Variants in IKZF2 observed in about 807,000 individuals in gnomAD.
IKZF2 encodes IKAROS family zinc finger 2, also known as zinc finger protein Helios.
In IKZF2, 15 loss-of-function variants were observed where a neutral mutation model predicts 49.2. The observed-to-expected ratio is 0.30, with a 90% confidence interval of 0.20 to 0.47. IKZF2 has a LOEUF of 0.47. IKZF2 is among the 20% of genes least tolerant of loss of function. IKZF2 has a pLI of 1.00. For synonymous variants in IKZF2, 227 were observed against 221.4 expected, an observed-to-expected ratio of 1.03 and a Z score of -0.23; for missense variants, 567 against 664.6, an observed-to-expected ratio of 0.85 and a Z score of 1.61.
In IKZF2 at chr2:213,003,172, C is replaced by A. The variant is rs978437942; in HGVS notation, c.*4188G>T. ...AGTGTTGTACAGCTGCAACAGCTAA[C>A]CAACACTCTCAATGCATTTTAAAAA... On this transcript the variant is annotated 3_prime_UTR_variant, in exon 9 of 9. Transcript: ENST00000434687. 2.0e-5 allele frequency: 3 copies of A among 151,906 alleles called. No homozygotes were observed. Among genetic ancestry groups the A allele is most frequent in the Non-Finnish European group, 4.4e-5 (3 of 67,624 alleles). 9.4% of individuals were successfully genotyped at this position (151,906 alleles called of 1,614,324 possible). A position where few individuals can be genotyped will look rare whatever the true frequency, so the allele number is the denominator to read the frequency against.
At chr2:213,075,538 T>G (rs1703159881) in intron 4 of IKZF2, among the ~76,000 whole-genome samples, 1 of 152,154 alleles carries the variant, frequency 6.6e-6, no homozygotes, top group South Asian at 2.1e-4. Flanking sequence ...AGTGACAGTT[T>G]GCTCCAAATG....
At chr2:213,045,233 T>C (rs1700041735) in intron 6 of IKZF2, among the ~76,000 whole-genome samples, 2 of 152,204 alleles carry the variant, frequency 1.3e-5, no homozygotes, top group Admixed American at 1.3e-4. Context: ...TTAAACTGTT[T>C]ATTAGGCTAA....
chr2:213,071,320 C>G (rs1702680740), intron 4 of IKZF2, among the ~76,000 whole-genome samples: 1 of 152,034 alleles, frequency 6.6e-6, no homozygotes, highest in Admixed American at 6.6e-5. Flanking sequence ...AACACAAGCT[C>G]ATTTACTAAG....
chr2:213,093,183 A>G (rs1470255531), intron 4 of IKZF2, among the ~76,000 whole-genome samples: 4 of 152,156 alleles, frequency 2.6e-5, no homozygotes, highest in Non-Finnish European at 5.9e-5. Flanking sequence ...TCAGTGTTCA[A>G]CACTATTTCA....
chr2:213,007,351 T>G lies in IKZF2; in HGVS notation c.*9A>C. 1 of 1,610,098 alleles carries G rather than the reference T, an allele frequency of 6.2e-7. No individual in the cohort carries two copies. Among genetic ancestry groups the G allele is most frequent in the Non-Finnish European group, 8.5e-7 (1 of 1,178,016 alleles). On this transcript the variant is annotated 3_prime_UTR_variant, in exon 9 of 9. Coordinates refer to ENST00000434687, the MANE Select transcript of IKZF2 (RefSeq NM_001387220.1). ...TACTTCATAGGGGTCCCCTTTGGAA[T>G]GAAAAGGCCTAGTGGAATGTGTGCT...
intron 4 of IKZF2, among the ~76,000 whole-genome samples, chr2:213,146,247 T>C (rs952274666): frequency 6.6e-6 from 1 of 152,102 alleles, no homozygotes; most frequent in African/African-American, 2.4e-5. Flanking sequence ...TATATTGAAA[T>C]GTAAAAATTC....
At chr2:213,047,740 C>A (rs906050658) in intron 6 of IKZF2, among the ~76,000 whole-genome samples, 1 of 152,078 alleles carries the variant, frequency 6.6e-6, no homozygotes, top group Non-Finnish European at 1.5e-5. Flanking sequence ...ACAAGAAGAA[C>A]TATGCTTGGA....
Position 213,007,745 on chromosome 2 carries a change from G to A in IKZF2, c.1196C>T (p.Ser399Phe), listed in dbSNP as rs186334132. 46 of 1,613,740 alleles carry A rather than the reference G, an allele frequency of 2.9e-5. No homozygotes were observed. Among genetic ancestry groups the A allele is most frequent in the Non-Finnish European group, 3.1e-5 (36 of 1,179,784 alleles). Residue 399 changes from serine (S) to phenylalanine (F), a missense_variant, in exon 9 of 9, where the codon TCT (serine) becomes TTT (phenylalanine). Physicochemically the swap from Ser to Phe is radical, Grantham distance 155 (BLOSUM62 -2). Coordinates refer to ENST00000434687, the MANE Select transcript of IKZF2 (RefSeq NM_001387220.1). ...GGAATCCAGGCAGCTATTGCTGGGAGAGGCCTCTCTTTCCTGGGGTCGACT... is the reference window on the plus strand; with the variant it reads ...GGAATCCAGGCAGCTATTGCTGGGAAAGGCCTCTCTTTCCTGGGGTCGACT... Reference protein sequence around the residue: ...PKSRPQEREASPSNSCLDSTD... With the variant: ...PKSRPQEREAFPSNSCLDSTD...
intron 6 of IKZF2, among the ~76,000 whole-genome samples, chr2:213,039,089 A>G (rs1255695052): frequency 1.3e-5 from 2 of 152,034 alleles, no homozygotes; most frequent in African/African-American, 4.8e-5. Flanking sequence ...TGTAGCATAT[A>G]CCTTAAAAAT....
chr2:213,105,613 A>G (rs2059499811), intron 4 of IKZF2, among the ~76,000 whole-genome samples: 1 of 151,978 alleles, frequency 6.6e-6, no homozygotes, highest in African/African-American at 2.4e-5. Context: ...ATGTCAGTAT[A>G]TTACATTTTT....
intron 4 of IKZF2, among the ~76,000 whole-genome samples, chr2:213,097,006 T>G (rs973573835): frequency 6.6e-6 from 1 of 151,986 alleles, no homozygotes; most frequent in African/African-American, 2.4e-5. Flanking sequence ...TTCCTGAGAT[T>G]ACAAAAGTTT....
In IKZF2 at chr2:213,148,644, G is replaced by A; in HGVS notation, c.-15C>T. On this transcript the variant is annotated splice_region_variant and 5_prime_UTR_variant, in exon 3 of 9. Transcript: ENST00000434687. Reference sequence around the variant, plus strand: ...TCTGTTTCCATAGTCAAAGTGCAATGCTGCAAAACAAAAGATTATACCCTT... The same window carrying A: ...TCTGTTTCCATAGTCAAAGTGCAATACTGCAAAACAAAAGATTATACCCTT... 1 of 1,609,002 alleles carries A rather than the reference G, an allele frequency of 6.2e-7. No individual in the cohort carries two copies. Among genetic ancestry groups the A allele is most frequent in the Non-Finnish European group, 8.5e-7 (1 of 1,175,536 alleles).
Position 213,007,026 on chromosome 2 carries a change from A to C in IKZF2, c.*334T>G, listed in dbSNP as rs186763736. Reference sequence around the variant, plus strand: ...CATCATAATTCTGAATATCAGTGGCAAATCAGAATCTCTTAGGTGAATCTT... The same window carrying C: ...CATCATAATTCTGAATATCAGTGGCCAATCAGAATCTCTTAGGTGAATCTT... On this transcript the variant is annotated 3_prime_UTR_variant, in exon 9 of 9. Transcript: ENST00000434687. The C allele has an allele frequency of 1.6e-4, 31 of 191,810 alleles. No individual in the cohort carries two copies. Among genetic ancestry groups the C allele is most frequent in the Non-Finnish European group, 2.9e-4 (27 of 93,818 alleles). 11.9% of individuals were successfully genotyped at this position (191,810 alleles called of 1,614,324 possible). A position where few individuals can be genotyped will look rare whatever the true frequency, so the allele number is the denominator to read the frequency against.
chr2:213,088,213 T>C (rs1704884716), intron 4 of IKZF2, among the ~76,000 whole-genome samples: 1 of 152,180 alleles, frequency 6.6e-6, no homozygotes, highest in South Asian at 2.1e-4. Context: ...TGGTGTGAGA[T>C]GGTATCTCAT....
intron 4 of IKZF2, among the ~76,000 whole-genome samples, chr2:213,142,366 C>G (rs1334244331): frequency 2.0e-5 from 3 of 151,850 alleles, no homozygotes; most frequent in Non-Finnish European, 4.4e-5. Context: ...TTCCCTGGAC[C>G]TGTGCAATAT....
intron 4 of IKZF2, among the ~76,000 whole-genome samples, chr2:213,067,923 A>T (rs1702310690): frequency 6.6e-6 from 1 of 152,174 alleles, no homozygotes; most frequent in Non-Finnish European, 1.5e-5. Context: ...TATTCTCATA[A>T]GATCACTAAT....
Position 213,007,733 on chromosome 2 carries a change from C to A in IKZF2, c.1208G>T (p.Ser403Ile). Reference protein sequence around the residue: ...PQEREASPSNSCLDSTDSESS... With the variant: ...PQEREASPSNICLDSTDSESS... ...TTCTGAGTCAGTGGAATCCAGGCAG[C>A]TATTGCTGGGAGAGGCCTCTCTTTC... The change falls in exon 9 of 9, where the codon AGC (serine) becomes ATC (isoleucine). Residue 403 changes from serine to isoleucine, a missense_variant. By Grantham distance (142) the Ser-to-Ile change is moderately radical. Around this residue, in one of 5 missense-constraint regions of IKZF2, gnomAD observed 310 missense variants for 326.9 expected, o/e 0.95. Coordinates refer to ENST00000434687, the MANE Select transcript of IKZF2 (RefSeq NM_001387220.1). 1 of 1,613,692 alleles carries A rather than the reference C, an allele frequency of 6.2e-7. No individual in the cohort carries two copies. Among genetic ancestry groups the A allele is most frequent in the Non-Finnish European group, 8.5e-7 (1 of 1,179,766 alleles).
chr2:213,093,624 C>T (rs760051770), intron 4 of IKZF2, among the ~76,000 whole-genome samples: 15 of 152,148 alleles, frequency 9.9e-5, no homozygotes, highest in Non-Finnish European at 1.8e-4. Flanking sequence ...CAACTGTAAG[C>T]TCTATAAGGA....
intron 6 of IKZF2, among the ~76,000 whole-genome samples, chr2:213,039,671 A>G (rs1447992525): frequency 6.6e-6 from 1 of 152,132 alleles, no homozygotes; most frequent in African/African-American, 2.4e-5. Context: ...CTCTTACTCC[A>G]AAGTTATGTG....
Sources: gnomAD v4.1 joint callset for allele counts (sites outside exome capture counted in the v4.1 genomes callset) on GRCh38, gnomAD v4.1.1 for gene constraint, gnomAD v4.1.1 regional missense constraint, MANE v1.5 for transcripts, NCBI Gene and HGNC (gene_info 2026-07-23, HGNC 2026-07-21) for gene names.